Variants in AOPEP observed in about 807,000 individuals in gnomAD.
The protein encoded by AOPEP is aminopeptidase O.
AOPEP carries 77 observed loss-of-function variants against 98.1 expected under a neutral mutation model. That is an observed-to-expected ratio of 0.78 (90% confidence interval 0.65 to 0.95). The LOEUF (loss-of-function observed/expected upper bound fraction) is 0.95, where lower values mean the gene tolerates loss of function less well. Among genes scored for constraint, AOPEP ranks in the 40% least tolerant of loss-of-function variants. The probability of loss-of-function intolerance (pLI) is 0.00; values close to 1 mark genes in which losing one functional copy is unlikely to be tolerated. For missense variants in AOPEP, 1,024 were observed against 1,024.7 expected (o/e 1.00, Z 0.01); for synonymous variants, 346 against 365.3 (o/e 0.95, Z 0.60).
chr9:94,745,839 G>A lies in AOPEP; in HGVS notation c.-135-13810G>A, dbSNP rs138571853. Among the ~76,000 whole-genome samples, 421 of 152,268 alleles carry A rather than the reference G, an allele frequency of 2.8e-3. 1 individual carries two copies. Among genetic ancestry groups the A allele is most frequent in the African/African-American group, 9.7e-3 (403 of 41,542 alleles). On this transcript the variant is annotated intron_variant, in intron 1 of 16. Coordinates refer to ENST00000375315, the MANE Select transcript of AOPEP (RefSeq NM_001193329.3). Reference sequence around the variant, plus strand: ...GTGCTGCAGTAAGTATGGGAGTGCAGGTATGTCTTTGATATACTAATTTCC... The same window carrying A: ...GTGCTGCAGTAAGTATGGGAGTGCAAGTATGTCTTTGATATACTAATTTCC...
intron 5 of AOPEP, among the ~76,000 whole-genome samples, chr9:94,876,327 G>A (rs897490608): frequency 6.6e-6 from 1 of 151,752 alleles, no homozygotes; most frequent in Non-Finnish European, 1.5e-5. Flanking sequence ...CCAACTGTTA[G>A]TTGCTCTCAT....
chr9:95,054,039 AAAG>A (rs2066616981), intron 13 of AOPEP, among the ~76,000 whole-genome samples: 3 of 152,170 alleles, frequency 2.0e-5, no homozygotes, highest in African/African-American at 7.2e-5. Flanking sequence ...AAGGAAACAA[AAAG>A]AAGGAAATTT....
At chr9:94,858,892 G>A (rs1341125602) in intron 5 of AOPEP, among the ~76,000 whole-genome samples, 1 of 152,098 alleles carries the variant, frequency 6.6e-6, no homozygotes, top group Non-Finnish European at 1.5e-5. Context: ...GCTGGGTGTG[G>A]TAGCGGGTGC....
At chr9:94,837,869 C>G (rs1322175191) in intron 5 of AOPEP, among the ~76,000 whole-genome samples, 3 of 152,174 alleles carry the variant, frequency 2.0e-5, no homozygotes, top group Non-Finnish European at 4.4e-5. Context: ...GATGCCCACT[C>G]TCACCACTTC....
rs950189466 is a variant in AOPEP at position 94,956,869 on chromosome 9, G to A, written c.1872+854G>A. Among the ~76,000 whole-genome samples, 54 of 152,354 alleles carry A rather than the reference G, an allele frequency of 3.5e-4. 3 individuals are homozygous for A. The highest frequency in any genetic ancestry group is 8.8e-5 in the Non-Finnish European group (6 of 68,034). On this transcript the variant is annotated intron_variant, in intron 9 of 16. Coordinates refer to ENST00000375315, the MANE Select transcript of AOPEP (RefSeq NM_001193329.3). ...AGTGTTAGATGTAAAGGATGTGCACGTATAATTTGAACACAGATGGAAGAA... is the reference window on the plus strand; with the variant it reads ...AGTGTTAGATGTAAAGGATGTGCACATATAATTTGAACACAGATGGAAGAA...
At chr9:95,034,431 T>C (rs947045503) in intron 13 of AOPEP, among the ~76,000 whole-genome samples, 1 of 152,224 alleles carries the variant, frequency 6.6e-6, no homozygotes, top group African/African-American at 2.4e-5. Context: ...TAAATGCTAC[T>C]TAAGTGTCTG....
intron 5 of AOPEP, among the ~76,000 whole-genome samples, chr9:94,860,995 T>G (rs1205855508): frequency 6.6e-6 from 1 of 152,188 alleles, no homozygotes; most frequent in Non-Finnish European, 1.5e-5. Flanking sequence ...GCAGTCAGAT[T>G]CGGTGCTTTT....
chr9:94,933,273 C>T (rs907663373), intron 7 of AOPEP: 44 of 985,436 alleles, frequency 4.5e-5, no homozygotes, highest in East Asian at 3.4e-4. Context: ...AGCTGGATTC[C>T]GGCAGCTTCT....
chr9:94,743,167 AAAG>A (rs138111726), intron 1 of AOPEP, among the ~76,000 whole-genome samples: 4,026 of 142,618 alleles, frequency 0.028, 86 homozygotes, highest in African/African-American at 0.047. Context: ...TTGCAATATA[AAAG>A]AAGAAGAAGA....
rs780569018 is a variant in AOPEP at position 94,943,617 on chromosome 9, G to GA, written c.1662-11551dup. 1.6e-3 allele frequency among the ~76,000 whole-genome samples: 203 copies of GA among 125,186 alleles called. 1 individual carries two copies. The highest frequency in any genetic ancestry group is 5.2e-3 in the Admixed American group (63 of 12,142). 82.1% of individuals were successfully genotyped at this position (125,186 alleles called of 152,430 possible). A position where few individuals can be genotyped will look rare whatever the true frequency, so the allele number is the denominator to read the frequency against. On this transcript the variant is annotated intron_variant, in intron 7 of 16. Transcript: ENST00000375315. ...TCAAATAAAAAAAAAAAAGAAAAAAGAAAAAAAAAGGATCAATCTGGCTGG... is the reference window on the plus strand; with the variant it reads ...TCAAATAAAAAAAAAAAAGAAAAAAGAAAAAAAAAAGGATCAATCTGGCTGG...
At chr9:95,107,798 A>T in the AOPEP span, among the ~76,000 whole-genome samples, 1 of 152,148 alleles carries the variant, frequency 6.6e-6, no homozygotes, top group African/African-American at 2.4e-5. Context: ...GCATGCACAC[A>T]CAAGAACACA....
intron 4 of AOPEP, among the ~76,000 whole-genome samples, chr9:94,799,547 G>A (rs904571555): frequency 1.4e-4 from 22 of 152,116 alleles, no homozygotes; most frequent in African/African-American, 5.1e-4. Flanking sequence ...TCCAGCCTGG[G>A]CAACAGAGTG....
intron 5 of AOPEP, among the ~76,000 whole-genome samples, chr9:94,879,025 C>G (rs1313695666): frequency 6.6e-6 from 1 of 152,138 alleles, no homozygotes; most frequent in Non-Finnish European, 1.5e-5. Flanking sequence ...TGAGTCAGTT[C>G]CTGGGTGGGG....
At chr9:94,983,739 C>G (rs2060338424) in intron 11 of AOPEP, among the ~76,000 whole-genome samples, 1 of 152,138 alleles carries the variant, frequency 6.6e-6, no homozygotes, top group Non-Finnish European at 1.5e-5. Flanking sequence ...CATCAGCCTG[C>G]CTTTGTGCAT....
chr9:95,094,819 C>G, the AOPEP span, among the ~76,000 whole-genome samples: 1 of 152,194 alleles, frequency 6.6e-6, no homozygotes, highest in African/African-American at 2.4e-5. Flanking sequence ...GTGTGCGCCA[C>G]CATGCCCAGC....
chr9:94,738,156 C>A (rs1694479490), intron 1 of AOPEP, among the ~76,000 whole-genome samples: 1 of 152,106 alleles, frequency 6.6e-6, no homozygotes, highest in South Asian at 2.1e-4. Context: ...AGCAAGCAGC[C>A]AATAGTTTTT....
intron 1 of AOPEP, among the ~76,000 whole-genome samples, chr9:94,742,898 G>T (rs1469706813): frequency 2.6e-5 from 4 of 152,108 alleles, no homozygotes; most frequent in African/African-American, 7.2e-5. Context: ...GATTGTTGGA[G>T]AAGCATTGCT....
chr9:94,923,945 T>C (rs2053955256), intron 5 of AOPEP, 41 bp from the exon 6 acceptor site: 3 of 1,332,746 alleles, frequency 2.3e-6, no homozygotes, highest in Non-Finnish European at 2.9e-6. Flanking sequence ...GAGGACAGGC[T>C]CTAACAAGAC....
At chr9:95,132,171 C>G in the AOPEP span, among the ~76,000 whole-genome samples, 1 of 152,154 alleles carries the variant, frequency 6.6e-6, no homozygotes, top group Non-Finnish European at 1.5e-5. Flanking sequence ...GCTCTGCCAG[C>G]AAATGGGAGG....
Sources: allele counts gnomAD v4.1 joint callset (sites outside exome capture counted in the v4.1 genomes callset), GRCh38; gene constraint gnomAD v4.1.1; transcripts MANE v1.5; gene names NCBI Gene and HGNC (gene_info 2026-07-23, HGNC 2026-07-21).